Variants in SCARB1 observed in about 807,000 individuals in gnomAD.
The protein encoded by SCARB1 is scavenger receptor class B member 1, also known as CD36 and LIMPII analogous 1.
Under a neutral mutation model 57.2 loss-of-function variants are expected in SCARB1, and 30 were observed. The observed-to-expected ratio is 0.52, with a 90% confidence interval of 0.39 to 0.71. The LOEUF (loss-of-function observed/expected upper bound fraction) is 0.71. SCARB1 is among the 30% of genes least tolerant of loss of function. SCARB1 has a pLI of 0.00. For missense variants in SCARB1, 543 were observed against 671.2 expected, an observed-to-expected ratio of 0.81 and a Z score of 2.11; for synonymous variants, 249 against 268.3, an observed-to-expected ratio of 0.93 and a Z score of 0.70.
At chr12:124,856,110 C>T (rs1164779607) in intron 1 of SCARB1, among the ~76,000 whole-genome samples, 1 of 152,238 alleles carries the variant, frequency 6.6e-6, no homozygotes, top group African/African-American at 2.4e-5. Context: ...TTCCTGGAAA[C>T]CCCAGGTGCT....
rs1953006200 is a variant in SCARB1, at chr12:124,863,826, G to C, written c.-106C>G. The C allele has an allele frequency of 7.7e-7, 1 of 1,303,214 alleles. No homozygotes were observed. The highest frequency in any genetic ancestry group is 1.6e-5 in the African/African-American group (1 of 63,630). 80.7% of individuals were successfully genotyped at this position (1,303,214 alleles called of 1,614,324 possible). On this transcript the variant is annotated 5_prime_UTR_variant, in exon 1 of 13. Transcript: ENST00000261693. Reference sequence around the variant, plus strand: ...GGCGGGGACTCCGGGCACGCAGGCCGCAGAGGCACGGTGGATCCGGGACGG... The same window carrying C: ...GGCGGGGACTCCGGGCACGCAGGCCCCAGAGGCACGGTGGATCCGGGACGG...
intron 9 of SCARB1, among the ~76,000 whole-genome samples, chr12:124,794,993 A>AG (rs1267267876): frequency 6.6e-6 from 1 of 152,178 alleles, no homozygotes; most frequent in Non-Finnish European, 1.5e-5. Flanking sequence ...AAGGAATATC[A>AG]GGATGCAGGT....
intron 9 of SCARB1, among the ~76,000 whole-genome samples, chr12:124,792,272 G>C (rs1453075992): frequency 6.6e-6 from 1 of 152,020 alleles, no homozygotes; most frequent in African/African-American, 2.4e-5. Flanking sequence ...CTTTTCCCAC[G>C]GCCATCCCTC....
At chr12:124,784,950 C>T (rs838894) in intron 11 of SCARB1, 97,003 of 151,728 alleles carry the variant, frequency 0.64, 31,510 homozygotes, top group South Asian at 0.76. Flanking sequence ...CATCTGCATC[C>T]CCTGACCTGT....
At chr12:124,829,094 A>G (rs370602226) in intron 1 of SCARB1, among the ~76,000 whole-genome samples, 1 of 152,242 alleles carries the variant, frequency 6.6e-6, no homozygotes, top group African/African-American at 2.4e-5. Context: ...TTTTTAAAGG[A>G]CTAAGGTAAG....
intron 1 of SCARB1, among the ~76,000 whole-genome samples, chr12:124,858,376 G>C (rs976758022): frequency 2.0e-5 from 3 of 152,048 alleles, no homozygotes; most frequent in African/African-American, 7.3e-5. Flanking sequence ...TCACAATCGC[G>C]GCCCTTAGTG....
chr12:124,835,329 G>T (rs1000582234), intron 1 of SCARB1, among the ~76,000 whole-genome samples: 1 of 151,986 alleles, frequency 6.6e-6, no homozygotes, highest in Admixed American at 6.6e-5. Context: ...TGCAGTCCGA[G>T]CTCACTGTAG....
chr12:124,805,578 C>T (rs1035347546), intron 7 of SCARB1, among the ~76,000 whole-genome samples: 1 of 151,990 alleles, frequency 6.6e-6, no homozygotes, highest in South Asian at 2.1e-4. Flanking sequence ...GCATATTTTT[C>T]GAGATGGGTC....
intron 1 of SCARB1, among the ~76,000 whole-genome samples, chr12:124,819,790 C>T (rs1950878195): frequency 6.6e-6 from 1 of 152,252 alleles, no homozygotes; most frequent in African/African-American, 2.4e-5. Context: ...GGGCCAGCCC[C>T]ATGTCCCCCG....
In SCARB1 at chr12:124,814,156, C is replaced by G; in HGVS notation, c.630+46G>C. 1 of 1,574,022 alleles carries G rather than the reference C, an allele frequency of 6.4e-7. No homozygotes were observed. The highest frequency in any genetic ancestry group is 2.2e-5 in the East Asian group (1 of 44,676). ...GTGTCCAGGCTGTGTGAGGGGAAGACAGGACACAGGCCTGAATCTTTGGCT... is the reference window on the plus strand; with the variant it reads ...GTGTCCAGGCTGTGTGAGGGGAAGAGAGGACACAGGCCTGAATCTTTGGCT... On this transcript the variant is annotated intron_variant, in intron 4 of 12. Coordinates refer to ENST00000261693, the MANE Select transcript of SCARB1 (RefSeq NM_005505.5). This position sits in a 1 kb window ranked among gnomAD's most constrained non-coding sequence, Gnocchi z 4.7.
intron 12 of SCARB1, among the ~76,000 whole-genome samples, chr12:124,782,241 C>T (rs1254600391): frequency 1.3e-5 from 2 of 152,164 alleles, no homozygotes; most frequent in Non-Finnish European, 2.9e-5. Context: ...GCCTCTCAAA[C>T]ATGTTTCTAC....
chr12:124,794,917 C>A (rs1005219694), intron 9 of SCARB1, among the ~76,000 whole-genome samples: 2 of 151,920 alleles, frequency 1.3e-5, no homozygotes, highest in African/African-American at 2.4e-5. Flanking sequence ...GCAACAAGAG[C>A]GAGACTCCAT....
chr12:124,820,894 A>G (rs1324044796), intron 1 of SCARB1, among the ~76,000 whole-genome samples: 1 of 152,170 alleles, frequency 6.6e-6, no homozygotes, highest in African/African-American at 2.4e-5. Flanking sequence ...TGCATATATT[A>G]AATATGTGCC....
chr12:124,840,610 C>G (rs1199940416), intron 1 of SCARB1, among the ~76,000 whole-genome samples: 2 of 152,156 alleles, frequency 1.3e-5, no homozygotes, highest in African/African-American at 4.8e-5. Flanking sequence ...CCTCCCTCCC[C>G]CGATCTTCTC....
At position 124,822,054 on chromosome 12, in the gene SCARB1, A is replaced by C. The variant is rs746435397; in HGVS notation, c.127-4347T>G. Among the ~76,000 whole-genome samples the C allele has an allele frequency of 2.0e-5, 3 of 151,936 alleles. No homozygotes were observed. Among genetic ancestry groups the C allele is most frequent in the Non-Finnish European group, 2.9e-5 (2 of 67,960 alleles). On this transcript the variant is annotated intron_variant, in intron 1 of 12. Coordinates refer to ENST00000261693, the MANE Select transcript of SCARB1 (RefSeq NM_005505.5). The surrounding 1 kb of genome is among the most constrained non-coding windows in gnomAD (Gnocchi z 5.0). ...CACTCCCTCCCATCTGGCGAAATAG[A>C]CCCTTTGAGCCCAGGAAGGCTGCCT... is the stretch of plus-strand genomic sequence containing the variant.
chr12:124,786,548 G>A (rs778348077), intron 10 of SCARB1, 45 bp from the exon 11 acceptor site: 20 of 1,609,226 alleles, frequency 1.2e-5, no homozygotes, highest in Non-Finnish European at 1.7e-5. Flanking sequence ...GCCGCAGGCT[G>A]CGGGCTACAG....
At chr12:124,829,484 T>C (rs905307403) in intron 1 of SCARB1, among the ~76,000 whole-genome samples, 2 of 152,222 alleles carry the variant, frequency 1.3e-5, no homozygotes, top group Non-Finnish European at 2.9e-5. Flanking sequence ...GACAGTGACC[T>C]ATGAGGTCTT....
intron 1 of SCARB1, among the ~76,000 whole-genome samples, chr12:124,829,271 C>T (rs1302309652): frequency 6.6e-6 from 1 of 152,144 alleles, no homozygotes; most frequent in Non-Finnish European, 1.5e-5. Flanking sequence ...CCACTTCTCT[C>T]CAACACCATC....
rs187492239 is a variant in SCARB1, at chr12:124,778,007, T to C, written c.*580A>G. On this transcript the variant is annotated 3_prime_UTR_variant, in exon 13 of 13. Coordinates refer to ENST00000261693, the MANE Select transcript of SCARB1 (RefSeq NM_005505.5). ...CCTCGGGCAGCTGCACAGGGCATCTTGTGCTCACTCCATTGTTTTCCGAGG... is the reference window on the plus strand; with the variant it reads ...CCTCGGGCAGCTGCACAGGGCATCTCGTGCTCACTCCATTGTTTTCCGAGG... 5.4e-3 allele frequency: 835 copies of C among 155,698 alleles called. 9 individuals are homozygous for C. Among genetic ancestry groups the C allele is most frequent in the African/African-American group, 0.019 (785 of 41,726 alleles). The allele number at this position is 155,698 out of a possible 1,614,324, so 9.6% of individuals were successfully genotyped here. A position where few individuals can be genotyped will look rare whatever the true frequency, so the allele number is the denominator to read the frequency against.
Sources: allele counts gnomAD v4.1 joint callset (sites outside exome capture counted in the v4.1 genomes callset), GRCh38; gene constraint gnomAD v4.1.1; non-coding constraint Gnocchi (gnomAD v3.1); transcripts MANE v1.5; gene names NCBI Gene and HGNC (gene_info 2026-07-23, HGNC 2026-07-21).